The following SYNE2 variants were observed in gnomAD, a reference collection of about 807,000 sequenced individuals.
SYNE2 encodes spectrin repeat containing nuclear envelope protein 2, also known as nesprin-2.
In SYNE2, 431 loss-of-function variants were observed where a neutral mutation model predicts 856.3. That is an observed-to-expected ratio of 0.50 (90% CI 0.47 to 0.55). The LOEUF is 0.55. Ranked by LOEUF, SYNE2 falls within the 20% of genes least tolerant of loss-of-function variation. SYNE2 has a pLI of 0.00. For missense variants in SYNE2, 8,129 were observed against 8,023.2 expected (o/e 1.01, Z -0.50); for synonymous variants, 2,923 against 2,872.3 (o/e 1.02, Z -0.56).
At chr14:64,128,768 A>G (rs571374375) in intron 74 of SYNE2, among the ~76,000 whole-genome samples, 74 of 152,348 alleles carry the variant, frequency 4.9e-4, no homozygotes, top group Admixed American at 1.8e-3. Flanking sequence ...TCACTTATCA[A>G]CCATGACAAA....
At chr14:64,111,336 G>T (rs1363471071) in intron 65 of SYNE2, among the ~76,000 whole-genome samples, 1 of 152,078 alleles carries the variant, frequency 6.6e-6, no homozygotes, top group African/African-American at 2.4e-5. Context: ...TTAATAGATT[G>T]TTCTCTCAAG....
In SYNE2 at chr14:63,982,519, C is replaced by CAAA. The variant is rs71444636; in HGVS notation, c.1837-95_1837-93dup. 1.1e-3 allele frequency: 803 copies of CAAA among 714,052 alleles called. 2 individuals are homozygous for CAAA. The highest frequency in any genetic ancestry group is 2.2e-3 in the African/African-American group (67 of 30,618). 44.2% of individuals were successfully genotyped at this position (714,052 alleles called of 1,614,324 possible). A position where few individuals can be genotyped will look rare whatever the true frequency, so the allele number is the denominator to read the frequency against. On this transcript the variant is annotated intron_variant, in intron 16 of 115. Coordinates refer to ENST00000555002, the MANE Select transcript of SYNE2 (RefSeq NM_182914.3). ...TGGGCAACAGAGCAAGACTCCATCT[C>CAAA]AAAAAAAAAAAAAAAAAAGAAAAGA...
intron 57 of SYNE2, among the ~76,000 whole-genome samples, chr14:64,081,854 A>G (rs1381388014): frequency 6.6e-6 from 1 of 152,108 alleles, no homozygotes; most frequent in Non-Finnish European, 1.5e-5. Flanking sequence ...TGAAATAAGA[A>G]TGTGGGCGGA....
At chr14:64,050,613 A>G (rs1335542621) in intron 47 of SYNE2, among the ~76,000 whole-genome samples, 1 of 152,188 alleles carries the variant, frequency 6.6e-6, no homozygotes, top group East Asian at 1.9e-4. Context: ...TATTGAATAT[A>G]TATGTATTGG....
At position 64,210,041 on chromosome 14, in the gene SYNE2, A is replaced by G. The variant is rs2098631907; in HGVS notation, c.18640A>G (p.Arg6214Gly). Residue 6214 changes from arginine to glycine, a missense_variant, in exon 103 of 116, where the codon AGG (arginine) becomes GGG (glycine). This residue lies in a region of SYNE2 where 5,410 missense variants were observed against 5,284.8 expected (regional missense o/e 1.02). Transcript: ENST00000555002. ...ARENRTDTAS[R>G]LKQMVHEGNQ... The stretch of plus-strand genomic sequence containing the variant: ...GGAGAACCGCACAGACACGGCCAGC[A>G]GGCTGAAGCAGATGGTCCACGAGGG... 2.5e-6 allele frequency: 4 copies of G among 1,614,184 alleles called. No homozygotes were observed. The highest frequency in any genetic ancestry group is 3.4e-6 in the Non-Finnish European group (4 of 1,180,042).
intron 1 of SYNE2, among the ~76,000 whole-genome samples, chr14:63,853,464 G>C (rs1176096030): frequency 6.6e-6 from 1 of 151,706 alleles, no homozygotes; most frequent in Non-Finnish European, 1.5e-5. Context: ...CGGTCCGCCC[G>C]GCTCGGGCAG....
At chr14:64,133,278 A>G (rs1000948512) in intron 77 of SYNE2, among the ~76,000 whole-genome samples, 1 of 151,994 alleles carries the variant, frequency 6.6e-6, no homozygotes, top group South Asian at 2.1e-4. Context: ...TTTGCTAACA[A>G]AATTTATTTT....
chr14:64,174,056 CT>C (rs1567546439), intron 94 of SYNE2: 2 of 571,754 alleles, frequency 3.5e-6, no homozygotes, highest in South Asian at 4.3e-5. Flanking sequence ...TAAACAAGAC[CT>C]TGTCTCTTAA....
At chr14:63,997,837 A>G in intron 25 of SYNE2, among the ~76,000 whole-genome samples, 1 of 152,176 alleles carries the variant, frequency 6.6e-6, no homozygotes, top group East Asian at 1.9e-4. Context: ...ATAATTTGGT[A>G]TTTACTGTGT....
intron 99 of SYNE2, among the ~76,000 whole-genome samples, chr14:64,199,799 T>C (rs1418375187): frequency 1.3e-5 from 2 of 151,266 alleles, no homozygotes; most frequent in Non-Finnish European, 2.9e-5. Flanking sequence ...GCGTGGGATA[T>C]AGATGTTTTA....
At chr14:63,950,596 ATATGAG>A (rs1390806106) in intron 7 of SYNE2, among the ~76,000 whole-genome samples, 6 of 152,212 alleles carry the variant, frequency 3.9e-5, no homozygotes, top group South Asian at 2.1e-4. Context: ...TTGAATATGT[ATATGAG>A]TATATTAAGA....
At chr14:64,028,383 G>C (rs1211025992) in intron 43 of SYNE2, among the ~76,000 whole-genome samples, 1 of 151,918 alleles carries the variant, frequency 6.6e-6, no homozygotes, top group Non-Finnish European at 1.5e-5. Flanking sequence ...AGCCTACCTA[G>C]TAGCTAGGAC....
At chr14:64,121,371 A>C (rs2097896996) in intron 68 of SYNE2, among the ~76,000 whole-genome samples, 1 of 151,946 alleles carries the variant, frequency 6.6e-6, no homozygotes, top group African/African-American at 2.4e-5. Context: ...AAATACAAAA[A>C]AATGAGCCAG....
rs2098626385 is a variant in SYNE2, at chr14:64,209,142, T to C, written c.18389+197T>C. On this transcript the variant is annotated intron_variant, in intron 101 of 115. Coordinates refer to ENST00000555002, the MANE Select transcript of SYNE2 (RefSeq NM_182914.3). Reference sequence around the variant, plus strand: ...GTAATGTCTCTCCCCAGCTGTCCTGTGTGGGGTGTGGCTGTGGACTGGCCG... The same window carrying C: ...GTAATGTCTCTCCCCAGCTGTCCTGCGTGGGGTGTGGCTGTGGACTGGCCG... 6.9e-6 allele frequency: 6 copies of C among 870,648 alleles called. No homozygotes were observed. The South Asian group carries it at 9.7e-5, about 14-fold the overall frequency. The allele number at this position is 870,648 out of a possible 1,614,324, so 53.9% of individuals were successfully genotyped here.
At chr14:64,077,639 T>A (rs114562333) in intron 54 of SYNE2, among the ~76,000 whole-genome samples, 111,211 of 139,992 alleles carry the variant, frequency 0.79, 43,302 homozygotes, top group Non-Finnish European at 0.88. Context: ...ATAGAGTTGT[T>A]TTTTTTTTTA....
chr14:63,978,020 G>A lies in SYNE2; in HGVS notation c.1406+3G>A, dbSNP rs1482887675. 1 of 1,569,946 alleles carries A rather than the reference G, an allele frequency of 6.4e-7. No homozygotes were observed. Among genetic ancestry groups the A allele is most frequent in the Non-Finnish European group, 8.8e-7 (1 of 1,139,908 alleles). On this transcript the variant is annotated splice_donor_region_variant and intron_variant, in intron 13 of 115. Transcript: ENST00000555002. ...AAATTGGAGGAAATGAAAAGACGGT[G>A]TGTAACACTACCATTTCACAGCTGC...
intron 11 of SYNE2, among the ~76,000 whole-genome samples, chr14:63,975,716 TTC>T (rs2096537080): frequency 1.3e-5 from 2 of 152,232 alleles, no homozygotes; most frequent in African/African-American, 4.8e-5. Context: ...TTTAAGGTGC[TTC>T]CATGTTGGCA....
intron 1 of SYNE2, among the ~76,000 whole-genome samples, chr14:63,832,886 A>AG (rs1889720884): frequency 6.7e-6 from 1 of 148,970 alleles, no homozygotes. Flanking sequence ...AAAAAAAAAA[A>AG]AAAATTAGTC....
At chr14:64,207,126 A>G (rs757481250) in intron 100 of SYNE2, among the ~76,000 whole-genome samples, 1 of 152,212 alleles carries the variant, frequency 6.6e-6, no homozygotes, top group Non-Finnish European at 1.5e-5. Context: ...TGGAAAACAC[A>G]TCTCTTCTGA....
Sources: allele counts gnomAD v4.1 joint callset (sites outside exome capture counted in the v4.1 genomes callset), GRCh38; gene constraint gnomAD v4.1.1; regional missense constraint gnomAD v4.1.1; transcripts MANE v1.5; gene names NCBI Gene and HGNC (gene_info 2026-07-23, HGNC 2026-07-21).